The following CRB2 variants were observed in gnomAD, a reference collection of about 807,000 sequenced individuals.
CRB2 encodes the protein crumbs cell polarity complex component 2.
A neutral mutation model predicts 110.9 loss-of-function variants in CRB2; 85 were observed. That is an observed-to-expected ratio of 0.77 (90% CI 0.64 to 0.92). The LOEUF is 0.92. Ranked by LOEUF, CRB2 falls within the 40% of genes least tolerant of loss-of-function variation. CRB2 has a pLI of 0.00. For missense variants in CRB2, 1,843 were observed against 1,851.3 expected (o/e 1.00, Z 0.08); for synonymous variants, 907 against 831.0 (o/e 1.09, Z -1.57).
At chr9:123,368,716 G>T (rs1393118026) in intron 6 of CRB2, 1 of 1,042,636 alleles carries the variant, frequency 9.6e-7, no homozygotes, top group Non-Finnish European at 1.2e-6. Context: ...TGCAGGGCTG[G>T]GCTCTTTGCC....
chr9:123,370,993 C>G lies in CRB2; in HGVS notation c.1927+13C>G, dbSNP rs768863453. On this transcript the variant is annotated intron_variant, in intron 7 of 12. Transcript: ENST00000373631. ...ACGTGCGCTGATGGTGAGGAATAAGCCAGGTGGGAAGGCAGCACCTGAGAT... is the reference window on the plus strand; with the variant it reads ...ACGTGCGCTGATGGTGAGGAATAAGGCAGGTGGGAAGGCAGCACCTGAGAT... 2.5e-6 allele frequency: 4 copies of G among 1,598,188 alleles called. No homozygotes were observed. Among genetic ancestry groups the G allele is most frequent in the South Asian group, 2.3e-5 (2 of 88,836 alleles).
In CRB2 at chr9:123,373,379, C is replaced by T. The variant is rs1374550011; in HGVS notation, c.2848C>T (p.Arg950Cys). 3.5e-6 allele frequency: 5 copies of T among 1,432,270 alleles called. No homozygotes were observed. Among genetic ancestry groups the T allele is most frequent in the Middle Eastern group, 2.4e-4 (1 of 4,094 alleles). The allele number at this position is 1,432,270 out of a possible 1,614,324, so 88.7% of individuals were successfully genotyped here. A position where few individuals can be genotyped will look rare whatever the true frequency, so the allele number is the denominator to read the frequency against. ...CGCTGTGCTGCCCATACCGGGGCCG[C>T]GCGTGGCCGATGGTGCCTGGCACCG... is the stretch of plus-strand genomic sequence containing the variant. The part of the protein sequence containing the change: ...PGAVLPIPGP[R>C]VADGAWHRVR... Residue 950 changes from arginine to cysteine, a missense_variant, in exon 10 of 13, where the codon CGC becomes TGC. By Grantham distance (180) the Arg-to-Cys change is radical. Coordinates refer to ENST00000373631, the MANE Select transcript of CRB2 (RefSeq NM_173689.7).
intron 12 of CRB2, 121 bp downstream of exon 12, chr9:123,375,464 G>A (rs2042089170): frequency 8.2e-7 from 1 of 1,213,838 alleles, no homozygotes; most frequent in African/African-American, 1.6e-5. Context: ...ATGGGGTGGG[G>A]CAGTGAGAGG....
Position 123,377,195 on chromosome 9 carries a change from T to TCTGCCC in CRB2, c.*135_*140dup. 2 of 827,316 alleles carry TCTGCCC rather than the reference T, an allele frequency of 2.4e-6. No homozygotes were observed. The highest frequency in any genetic ancestry group is 3.7e-6 in the Non-Finnish European group (2 of 543,698). 51.2% of individuals were successfully genotyped at this position (827,316 alleles called of 1,614,324 possible). ...TTGGCTGGCAGCCTCTGCCTCTGCC[T>TCTGCCC]CTGCCCCATCCTGGATGGAGGACGA... is the stretch of plus-strand genomic sequence containing the variant. On this transcript the variant is annotated 3_prime_UTR_variant, in exon 13 of 13. Transcript: ENST00000373631.
chr9:123,361,137 A>C (rs2808414), intron 1 of CRB2, among the ~76,000 whole-genome samples: 1,533 of 53,824 alleles, frequency 0.028, 97 homozygotes, highest in African/African-American at 0.042. Context: ...ATGGGCGGGG[A>C]GGGGGGGGGG....
chr9:123,365,523 A>C (rs2041918553), intron 2 of CRB2, among the ~76,000 whole-genome samples: 1 of 152,138 alleles, frequency 6.6e-6, no homozygotes, highest in African/African-American at 2.4e-5. Context: ...TGCTGCCCAC[A>C]GTCCCCTATC....
rs1209975201 is a variant in CRB2, at chr9:123,377,159, G to GT, written c.*97_*98insT. On this transcript the variant is annotated 3_prime_UTR_variant, in exon 13 of 13. Transcript: ENST00000373631. The stretch of plus-strand genomic sequence containing the variant: ...TTCCAGGGCTCGGGACATTGCTACG[G>GT]AAGTGTCCCCTTGGCTGGCAGCCTC... 1 of 1,163,984 alleles carries GT rather than the reference G, an allele frequency of 8.6e-7. No homozygotes were observed. The highest frequency in any genetic ancestry group is 1.2e-6 in the Non-Finnish European group (1 of 842,388). The allele number at this position is 1,163,984 out of a possible 1,614,324, so 72.1% of individuals were successfully genotyped here. A position where few individuals can be genotyped will look rare whatever the true frequency, so the allele number is the denominator to read the frequency against.
chr9:123,373,454 C>T lies in CRB2; in HGVS notation c.2923C>T (p.Leu975=). Residue 975 remains leucine (L), a synonymous_variant, in exon 10 of 13, where the codon CTG becomes TTG. Coordinates refer to ENST00000373631, the MANE Select transcript of CRB2 (RefSeq NM_173689.7). The part of the protein sequence containing the change: ...RPAATTSRWL[L]WLDGAATPVA... The stretch of plus-strand genomic sequence containing the variant: ...GGCGGCCACCACCTCGCGCTGGCTG[C>T]TGTGGCTGGATGGTGCCGCCACCCC... 6.9e-7 allele frequency: 1 copy of T among 1,454,870 alleles called. No homozygotes were observed. Among genetic ancestry groups the T allele is most frequent in the Non-Finnish European group, 9.0e-7 (1 of 1,110,464 alleles). The allele number at this position is 1,454,870 out of a possible 1,614,324, so 90.1% of individuals were successfully genotyped here.
At position 123,371,582 on chromosome 9, in the gene CRB2, AG is replaced by A; in HGVS notation, c.2436+5del. The A allele has an allele frequency of 6.2e-7, 1 of 1,612,308 alleles. No individual in the cohort carries two copies. Among genetic ancestry groups the A allele is most frequent in the African/African-American group, 1.3e-5 (1 of 75,022 alleles). ...CGTCTCCGAGGACATGTGCAGTGTA[AG>A]TGTCTGGTGGCGGTGGTGGTGGTGG... On this transcript the variant is annotated splice_donor_5th_base_variant and intron_variant, in intron 8 of 12. Transcript: ENST00000373631.
chr9:123,359,436 G>GTTTTGT (rs1554781688), intron 1 of CRB2, among the ~76,000 whole-genome samples: 1 of 62,422 alleles, frequency 1.6e-5, no homozygotes, highest in African/African-American at 6.5e-5. Context: ...TTTCGTTTTT[G>GTTTTGT]TTTTGTTTTT....
upstream of CRB2, among the ~76,000 whole-genome samples, chr9:123,355,570 C>T (rs529079728): frequency 7.4e-5 from 7 of 94,198 alleles, no homozygotes; most frequent in Admixed American, 1.3e-4. Flanking sequence ...TGTGTGTGGT[C>T]GGGTGGGACG....
At position 123,370,680 on chromosome 9, in the gene CRB2, C is replaced by G. The variant is rs146158114; in HGVS notation, c.1627C>G (p.Arg543Gly). The G allele has an allele frequency of 6.2e-7, 1 of 1,606,214 alleles. No homozygotes were observed. Among genetic ancestry groups the G allele is most frequent in the Admixed American group, 1.7e-5 (1 of 60,030 alleles). ...LRLWHEGCPA[R>G]LCVASGPVAL... ...GCTCTGGCATGAGGGCTGCCCTGCC[C>G]GGCTCTGTGTGGCCTCTGGTCCTGT... Residue 543 changes from arginine (R) to glycine (G), a missense_variant, in exon 7 of 13, where the codon CGG (arginine) becomes GGG (glycine). Coordinates refer to ENST00000373631, the MANE Select transcript of CRB2 (RefSeq NM_173689.7).
Position 123,373,485 on chromosome 9 carries a change from C to T in CRB2, c.2954C>T (p.Ala985Val), listed in dbSNP as rs1229158090. Residue 985 changes from alanine to valine, a missense_variant, in exon 10 of 13, where the codon GCG (alanine) becomes GTG (valine). Physicochemically the swap from Ala to Val is moderately conservative, Grantham distance 64 (BLOSUM62 0). Coordinates refer to ENST00000373631, the MANE Select transcript of CRB2 (RefSeq NM_173689.7). ...CTGGATGGTGCCGCCACCCCGGTGG[C>T]GCTGCGCGGCCTGGCCAGTGACCTG... ...LWLDGAATPV[A>V]LRGLASDLGF... 10 of 1,448,214 alleles carry T rather than the reference C, an allele frequency of 6.9e-6. No homozygotes were observed. The highest frequency in any genetic ancestry group is 3.0e-5 in the African/African-American group (2 of 67,298). The allele number at this position is 1,448,214 out of a possible 1,614,324, so 89.7% of individuals were successfully genotyped here.
chr9:123,362,720 C>T lies in CRB2; in HGVS notation c.95-145C>T, dbSNP rs2041881956. On this transcript the variant is annotated intron_variant, in intron 1 of 12. Transcript: ENST00000373631. ...ATGTGTGCAGCTTACTGGGACCTGG[C>T]TTGCAGACCCCTGGCCCTCTGTCCA... 4 of 722,350 alleles carry T rather than the reference C, an allele frequency of 5.5e-6. No individual in the cohort carries two copies. The South Asian group carries it at 8.0e-5, about 14-fold the overall frequency. The allele number at this position is 722,350 out of a possible 1,614,324, so 44.7% of individuals were successfully genotyped here. A position where few individuals can be genotyped will look rare whatever the true frequency, so the allele number is the denominator to read the frequency against.
upstream of CRB2, among the ~76,000 whole-genome samples, chr9:123,355,330 G>A (rs1009358756): frequency 1.3e-5 from 2 of 152,128 alleles, no homozygotes; most frequent in Non-Finnish European, 2.9e-5. Flanking sequence ...GGAGAGCAAT[G>A]CTTGCTTGGT....
chr9:123,374,579 G>C lies in CRB2; in HGVS notation c.3390G>C (p.Arg1130Ser), dbSNP rs1401338873. Reference sequence around the variant, plus strand: ...ACTCCAGCCTCTGCTCTCTCCCCAGGTTGCCTGTCCCATCCAAGGAGTGCA... The same window carrying C: ...ACTCCAGCCTCTGCTCTCTCCCCAGCTTGCCTGTCCCATCCAAGGAGTGCA... The part of the protein sequence containing the change: ...CPPGFGGPRC[R>S]LPVPSKECSL... Residue 1130 changes from arginine to serine, a missense_variant and splice_region_variant, in exon 11 of 13, where the codon AGG becomes AGC. Transcript: ENST00000373631. 1 of 1,611,586 alleles carries C rather than the reference G, an allele frequency of 6.2e-7. No individual in the cohort carries two copies. The highest frequency in any genetic ancestry group is 8.5e-7 in the Non-Finnish European group (1 of 1,178,534).
chr9:123,362,055 C>T (rs1019656573), intron 1 of CRB2, among the ~76,000 whole-genome samples: 4 of 152,284 alleles, frequency 2.6e-5, no homozygotes, highest in African/African-American at 9.6e-5. Flanking sequence ...CTGTACCATG[C>T]GACCTTGGCC....
intron 2 of CRB2, 151 bp downstream of exon 2, chr9:123,363,339 A>G (rs749435192): frequency 1.2e-6 from 1 of 817,058 alleles, no homozygotes; most frequent in Non-Finnish European, 1.9e-6. Context: ...TGGTCTGACT[A>G]CAGAACTGAT....
chr9:123,365,893 C>T (rs1245874131), intron 2 of CRB2, 24 bp from the exon 3 acceptor site: 3 of 1,577,460 alleles, frequency 1.9e-6, no homozygotes, highest in Admixed American at 1.7e-5. Flanking sequence ...ATCCTGCACC[C>T]TGTGTGTCCC....
Sources: allele counts gnomAD v4.1 joint callset (sites outside exome capture counted in the v4.1 genomes callset), GRCh38; gene constraint gnomAD v4.1.1; transcripts MANE v1.5; gene names NCBI Gene and HGNC (gene_info 2026-07-23, HGNC 2026-07-21).